Variants in MED16 observed in about 807,000 individuals in gnomAD.
The protein encoded by MED16 is mediator of RNA polymerase II transcription subunit 16.
In MED16, 81 loss-of-function variants were observed where a neutral mutation model predicts 84.4. That is an observed-to-expected ratio of 0.96 (90% CI 0.80 to 1.15). MED16 has a LOEUF of 1.15. Ranked by LOEUF, MED16 falls within the 50% of genes most tolerant of loss-of-function variation. The probability of loss-of-function intolerance (pLI) is 0.00; values close to 1 mark genes in which losing one functional copy is unlikely to be tolerated. For synonymous variants in MED16, 897 were observed against 552.2 expected, an observed-to-expected ratio of 1.62 and a Z score of -8.76; for missense variants, 1,585 against 1,245.9, an observed-to-expected ratio of 1.27 and a Z score of -4.10.
At chr19:871,347 C>G (rs983157777) in intron 12 of MED16, 94 bp from the exon 13 acceptor site, 5 of 1,386,310 alleles carry the variant, frequency 3.6e-6, no homozygotes, top group African/African-American at 2.9e-5. Context: ...TTCAGGAGCA[C>G]CAGGTCAGGG....
intron 13 of MED16, 56 bp from the exon 14 acceptor site, chr19:869,002 G>C (rs80126239): frequency 6.9e-7 from 1 of 1,448,064 alleles, no homozygotes. Context: ...GCCAGGTTCC[G>C]GCAGGGGCAT....
chr19:885,060 G>A (rs370268245), intron 5 of MED16, 52 bp from the exon 6 acceptor site: 63 of 1,403,330 alleles, frequency 4.5e-5, no homozygotes, highest in African/African-American at 9.9e-5. Context: ...TGGTGGCCAC[G>A]CCACCACCGG....
At position 871,099 on chromosome 19, in the gene MED16, C is replaced by G; in HGVS notation, c.2253G>C (p.Gln751His). 2 of 1,548,558 alleles carry G rather than the reference C, an allele frequency of 1.3e-6. No homozygotes were observed. The highest frequency in any genetic ancestry group is 8.7e-7 in the Non-Finnish European group (1 of 1,145,864). Reference protein sequence around the residue: ...RLQPKQPLRLQFGRAPTLPGS... With the variant: ...RLQPKQPLRLHFGRAPTLPGS... ...CAGGCAGCGTGGGCGCCCGGCCAAA[C>G]TGCAGACGAAGGGGCTGCTTGGGCT... The change falls in exon 13 of 16, where the codon CAG becomes CAC. Residue 751 changes from glutamine (Q) to histidine (H), a missense_variant. By Grantham distance (24) the Gln-to-His change is conservative. Transcript: ENST00000325464.
At chr19:890,274 C>T (rs1240111047) in intron 2 of MED16, 30 bp from the exon 3 acceptor site, 1 of 1,432,596 alleles carries the variant, frequency 7.0e-7, no homozygotes, top group East Asian at 2.5e-5. Context: ...TCAGCACGGC[C>T]TGGCACCACA....
intron 9 of MED16, among the ~76,000 whole-genome samples, chr19:876,506 AG>A (rs1483675013): frequency 1.3e-5 from 2 of 152,056 alleles, no homozygotes; most frequent in African/African-American, 4.8e-5. Context: ...GGAGCCGTCC[AG>A]GGGGGATCAG....
At chr19:885,283 T>C (rs941227510) in intron 5 of MED16, among the ~76,000 whole-genome samples, 2 of 152,124 alleles carry the variant, frequency 1.3e-5, no homozygotes, top group Non-Finnish European at 2.9e-5. Flanking sequence ...GTTTGGGGCG[T>C]TACTGATTCC....
chr19:880,068 A>T lies in MED16; in HGVS notation c.1222T>A (p.Ser408Thr). The T allele has an allele frequency of 1.2e-6, 2 of 1,611,060 alleles. No individual in the cohort carries two copies. The highest frequency in any genetic ancestry group is 1.7e-6 in the Non-Finnish European group (2 of 1,179,398). ...SLQTMAVFYSSAAPRPVDEPA... is the reference protein window; with the variant it reads ...SLQTMAVFYSTAAPRPVDEPA... ...TCATCCACAGGCCTCGGGGCCGCGG[A>T]GCTGTAGAAGACGGCCATGGTCTGC... The change falls in exon 8 of 16, where the codon TCC becomes ACC. Residue 408 changes from serine to threonine, a missense_variant. Physicochemically the swap from Ser to Thr is moderately conservative, Grantham distance 58 (BLOSUM62 1). Coordinates refer to ENST00000325464, the MANE Select transcript of MED16 (RefSeq NM_005481.3).
chr19:887,063 G>C (rs557710345), intron 4 of MED16, among the ~76,000 whole-genome samples: 3 of 150,588 alleles, frequency 2.0e-5, no homozygotes, highest in African/African-American at 7.4e-5. Flanking sequence ...TGGGCAACGA[G>C]AGCAAAACTT....
chr19:885,585 G>A (rs776863442), intron 5 of MED16, among the ~76,000 whole-genome samples, 185 bp downstream of exon 5: 2 of 152,156 alleles, frequency 1.3e-5, no homozygotes, highest in East Asian at 1.9e-4. Flanking sequence ...CCGAGGGATT[G>A]GGCGCCTCCA....
At position 876,966 on chromosome 19, in the gene MED16, G is replaced by A. The variant is rs529234452; in HGVS notation, c.1560+8C>T. ...TGCCACGGGGCCCCACCTGCCACGG[G>A]CCCCCACCTGCTGCAGGGCAGCGGT... On this transcript the variant is annotated splice_region_variant and intron_variant, in intron 9 of 15. Coordinates refer to ENST00000325464, the MANE Select transcript of MED16 (RefSeq NM_005481.3). 1.2e-6 allele frequency: 2 copies of A among 1,607,116 alleles called. No individual in the cohort carries two copies. Among genetic ancestry groups the A allele is most frequent in the South Asian group, 1.1e-5 (1 of 90,784 alleles).
At chr19:891,383 T>C (rs1437521125) in intron 1 of MED16, among the ~76,000 whole-genome samples, 1 of 152,172 alleles carries the variant, frequency 6.6e-6, no homozygotes, top group African/African-American at 2.4e-5. Context: ...CCGGGAGGGC[T>C]GGGACCTATT....
At chr19:871,297 C>T (rs747804406) in intron 12 of MED16, 44 bp from the exon 13 acceptor site, 7 of 1,500,924 alleles carry the variant, frequency 4.7e-6, no homozygotes, top group South Asian at 3.8e-5. Flanking sequence ...CTGACTGGGG[C>T]ACCGCCCGGC....
intron 8 of MED16, among the ~76,000 whole-genome samples, chr19:879,423 ACCAACC>A (rs1202318828): frequency 0.25 from 31,040 of 125,382 alleles, 477 homozygotes; most frequent in Middle Eastern, 0.31. Flanking sequence ...GTCAATGCCC[ACCAACC>A]CCAGCCCCAC....
At chr19:868,734 C>T (rs867495617) in intron 14 of MED16, 129 bp downstream of exon 14, 1 of 1,146,936 alleles carries the variant, frequency 8.7e-7, no homozygotes, top group Admixed American at 2.5e-5. Flanking sequence ...ATCCTGGCTC[C>T]AACACTCCCT....
Position 889,810 on chromosome 19 carries a change from G to T in MED16, c.278-3C>A. On this transcript the variant is annotated splice_polypyrimidine_tract_variant and splice_region_variant and intron_variant, in intron 3 of 15. Coordinates refer to ENST00000325464, the MANE Select transcript of MED16 (RefSeq NM_005481.3). ...ATCTGCTGACAGGAGCCGGGAGCCT[G>T]AGGGCAAGAAGCCATCATTGCGAAC... 6.2e-7 allele frequency: 1 copy of T among 1,608,424 alleles called. No homozygotes were observed.
intron 14 of MED16, 29 bp downstream of exon 14, chr19:868,834 G>A (rs1486974422): frequency 1.9e-6 from 3 of 1,541,002 alleles, no homozygotes; most frequent in Non-Finnish European, 2.6e-6. Flanking sequence ...GCACATCTCT[G>A]GGAGTCAGCG....
At chr19:880,578 G>A (rs916520412) in intron 7 of MED16, among the ~76,000 whole-genome samples, 1 of 152,198 alleles carries the variant, frequency 6.6e-6, no homozygotes, top group African/African-American at 2.4e-5. Context: ...GTGGGGTCCA[G>A]AGCCCAAAGC....
At position 880,071 on chromosome 19, in the gene MED16, T is replaced by G. The variant is rs754802268; in HGVS notation, c.1219A>C (p.Ser407Arg). 1 of 1,611,194 alleles carries G rather than the reference T, an allele frequency of 6.2e-7. No homozygotes were observed. The change falls in exon 8 of 16, where the codon AGC becomes CGC. Residue 407 changes from serine (S) to arginine (R), a missense_variant. Ser to Arg is a moderately radical substitution (Grantham distance 110). Transcript: ENST00000325464. The part of the protein sequence containing the change: ...LSLQTMAVFY[S>R]SAAPRPVDEP... The stretch of plus-strand genomic sequence containing the variant: ...TCCACAGGCCTCGGGGCCGCGGAGC[T>G]GTAGAAGACGGCCATGGTCTGCAGT...
In MED16 at chr19:881,665, G is replaced by T; in HGVS notation, c.1035C>A (p.Thr345=). ...TILKWRILSA[T]NDLDRVSAVA... is the part of the protein sequence containing the mutation. Reference sequence around the variant, plus strand: ...CGGCCGACACACGGTCCAGATCGTTGGTGGCCGATAGGATCCGCCATTTGA... The same window carrying T: ...CGGCCGACACACGGTCCAGATCGTTTGTGGCCGATAGGATCCGCCATTTGA... The change falls in exon 7 of 16, where the codon ACC becomes ACA. Residue 345 remains threonine, a synonymous_variant. Transcript: ENST00000325464. 5.6e-6 allele frequency: 9 copies of T among 1,612,700 alleles called. No individual in the cohort carries two copies. The highest frequency in any genetic ancestry group is 7.6e-6 in the Non-Finnish European group (9 of 1,179,846).
Sources: allele counts gnomAD v4.1 joint callset (sites outside exome capture counted in the v4.1 genomes callset), GRCh38; gene constraint gnomAD v4.1.1; transcripts MANE v1.5; gene names NCBI Gene and HGNC (gene_info 2026-07-23, HGNC 2026-07-21).